Variants in VDAC1 observed in about 807,000 individuals in gnomAD.
VDAC1 encodes the protein voltage dependent anion channel 1, also known as non-selective voltage-gated ion channel VDAC1.
VDAC1 carries 10 observed loss-of-function variants against 34.7 expected under a neutral mutation model. The ratio of observed to expected loss-of-function variants is 0.29; its 90% CI spans 0.18 to 0.49. VDAC1 has a LOEUF of 0.49. Among genes scored for constraint, VDAC1 ranks in the 20% least tolerant of loss-of-function variants. The probability of loss-of-function intolerance (pLI) is 0.99; values close to 1 mark genes in which losing one functional copy is unlikely to be tolerated. For missense variants in VDAC1, 230 were observed against 347.9 expected, an observed-to-expected ratio of 0.66 and a Z score of 2.69; for synonymous variants, 130 against 136.0, an observed-to-expected ratio of 0.96 and a Z score of 0.30.
At chr5:134,112,688 A>G in the VDAC1 span, among the ~76,000 whole-genome samples, 6 of 152,220 alleles carry the variant, frequency 3.9e-5, no homozygotes, top group African/African-American at 4.8e-5. Context: ...TCCCACCACC[A>G]TTTTAGTAAA....
chr5:134,026,739 C>G, the VDAC1 span, among the ~76,000 whole-genome samples: 1 of 152,088 alleles, frequency 6.6e-6, no homozygotes, highest in African/African-American at 2.4e-5. Flanking sequence ...CATGGGTGCA[C>G]TCCCACCTAC....
the VDAC1 span, among the ~76,000 whole-genome samples, chr5:134,113,310 G>A: frequency 6.6e-6 from 1 of 152,244 alleles, no homozygotes; most frequent in African/African-American, 2.4e-5. Flanking sequence ...CCCGGAGGTG[G>A]CGGGGGAGGG....
chr5:133,979,010 AAAT>A (rs1432351566), intron 6 of VDAC1, among the ~76,000 whole-genome samples: 1 of 152,078 alleles, frequency 6.6e-6, no homozygotes, highest in East Asian at 1.9e-4. Context: ...TGTCACCAAA[AAAT>A]AATAATAATA....
At chr5:134,005,288 G>A (rs1375498459), upstream of VDAC1, 1 of 152,202 alleles carries the variant, frequency 6.6e-6, no homozygotes, top group Middle Eastern at 3.1e-3. Flanking sequence ...CATCCCCCGA[G>A]GGCAGTCCCA....
intron 1 of VDAC1, among the ~76,000 whole-genome samples, chr5:133,995,145 A>T (rs915438492): frequency 1.3e-5 from 2 of 152,216 alleles, no homozygotes; most frequent in Non-Finnish European, 2.9e-5. Flanking sequence ...GTACAAGGCC[A>T]CTAAAGAGAT....
chr5:133,977,343 T>C (rs1266260519), intron 6 of VDAC1, among the ~76,000 whole-genome samples: 2 of 152,236 alleles, frequency 1.3e-5, no homozygotes, highest in Non-Finnish European at 2.9e-5. Context: ...TTTTGCTACA[T>C]CATAAAATGT....
chr5:134,087,671 A>T, the VDAC1 span, among the ~76,000 whole-genome samples: 1 of 151,290 alleles, frequency 6.6e-6, no homozygotes, highest in Non-Finnish European at 1.5e-5. Context: ...CCTGACCAAC[A>T]TGGTGAAACC....
chr5:134,012,179 G>C, the VDAC1 span, among the ~76,000 whole-genome samples: 1 of 152,166 alleles, frequency 6.6e-6, no homozygotes, highest in East Asian at 1.9e-4. Flanking sequence ...AAAAAGACAA[G>C]GAAACAGATT....
chr5:134,034,410 G>A, the VDAC1 span, among the ~76,000 whole-genome samples: 17 of 152,272 alleles, frequency 1.1e-4, no homozygotes, highest in African/African-American at 4.1e-4. Context: ...TGGGCCCCTA[G>A]CTCCAGTGAC....
chr5:134,088,016 G>A, the VDAC1 span, among the ~76,000 whole-genome samples: 90 of 150,772 alleles, frequency 6.0e-4, 1 homozygote, highest in African/African-American at 1.9e-3. Flanking sequence ...TTAGCCGGGC[G>A]TTGTAGCGCG....
the VDAC1 span, among the ~76,000 whole-genome samples, chr5:134,098,140 G>A: frequency 6.6e-6 from 1 of 151,552 alleles, no homozygotes; most frequent in South Asian, 2.1e-4. Flanking sequence ...CAAAATGCTG[G>A]GATTACAGGT....
intron 1 of VDAC1, among the ~76,000 whole-genome samples, chr5:133,994,598 C>T (rs1467796616): frequency 2.0e-5 from 3 of 152,108 alleles, no homozygotes; most frequent in Non-Finnish European, 4.4e-5. Flanking sequence ...GTAGGTGCAT[C>T]CCCCCGGGAT....
chr5:133,982,133 C>T (rs1017050496), intron 5 of VDAC1, among the ~76,000 whole-genome samples: 1 of 152,064 alleles, frequency 6.6e-6, no homozygotes, highest in Non-Finnish European at 1.5e-5. Flanking sequence ...CCAAGGGCTT[C>T]GACAATGGAG....
chr5:133,985,308 T>G (rs1752865394), intron 5 of VDAC1, among the ~76,000 whole-genome samples: 1 of 152,206 alleles, frequency 6.6e-6, no homozygotes, highest in African/African-American at 2.4e-5. Context: ...AAGTTACTTC[T>G]GTACATTTTG....
intron 1 of VDAC1, among the ~76,000 whole-genome samples, chr5:134,001,380 C>T (rs1302557453): frequency 1.3e-5 from 2 of 152,206 alleles, no homozygotes; most frequent in East Asian, 3.9e-4. Flanking sequence ...TGAGCAAGCC[C>T]TCAATCAGCA....
the VDAC1 span, among the ~76,000 whole-genome samples, chr5:134,026,197 G>A: frequency 6.6e-6 from 1 of 152,140 alleles, no homozygotes; most frequent in Non-Finnish European, 1.5e-5. Flanking sequence ...AAACAAAGTT[G>A]GCCCAACTTT....
intron 6 of VDAC1, among the ~76,000 whole-genome samples, chr5:133,979,085 G>C (rs1207418176): frequency 6.6e-6 from 1 of 152,186 alleles, no homozygotes; most frequent in Non-Finnish European, 1.5e-5. Flanking sequence ...AAGAATTTCT[G>C]TTATGCATTT....
the VDAC1 span, among the ~76,000 whole-genome samples, chr5:134,079,206 T>A: frequency 6.6e-6 from 1 of 152,068 alleles, no homozygotes; most frequent in South Asian, 2.1e-4. Flanking sequence ...CTCCAACTCC[T>A]GTGCTCAAGG....
the VDAC1 span, among the ~76,000 whole-genome samples, chr5:134,106,040 C>T: frequency 1.3e-5 from 2 of 152,194 alleles, no homozygotes; most frequent in African/African-American, 4.8e-5. Context: ...GTAGACGCTT[C>T]ACCTCTGTAG....
Sources: allele counts gnomAD v4.1 joint callset (sites outside exome capture counted in the v4.1 genomes callset), GRCh38; gene constraint gnomAD v4.1.1; transcripts MANE v1.5; gene names NCBI Gene and HGNC (gene_info 2026-07-23, HGNC 2026-07-21).